Variants in NDRG1 observed in about 807,000 individuals in gnomAD.
The protein encoded by NDRG1 is N-myc downstream regulated 1.
NDRG1 carries 32 observed loss-of-function variants against 56.9 expected under a neutral mutation model. The observed-to-expected ratio is 0.56, with a 90% CI of 0.42 to 0.76. The LOEUF is 0.76. Among genes scored for constraint, NDRG1 ranks in the 30% least tolerant of loss-of-function variants. The pLI, the probability that NDRG1 is intolerant of heterozygous loss-of-function variation, is 0.00. For synonymous variants in NDRG1, 211 were observed against 204.1 expected (o/e 1.03, Z -0.29); for missense variants, 507 against 545.7 (o/e 0.93, Z 0.71).
chr8:133,296,825 G>A (rs998822730), intron 1 of NDRG1: 3 of 244,542 alleles, frequency 1.2e-5, no homozygotes, highest in African/African-American at 6.9e-5. Context: ...CGCTATCCTG[G>A]TATTTTTTCG....
At chr8:133,270,213 G>A (rs1052888387) in intron 3 of NDRG1, among the ~76,000 whole-genome samples, 2 of 152,164 alleles carry the variant, frequency 1.3e-5, no homozygotes, top group South Asian at 2.1e-4. Flanking sequence ...ACCATGGCAC[G>A]TACCACTATG....
At position 133,244,317 on chromosome 8, in the gene NDRG1, C is replaced by T. The variant is rs371308671; in HGVS notation, c.891+38G>A. 115 of 1,613,392 alleles carry T rather than the reference C, an allele frequency of 7.1e-5. No homozygotes were observed. The African/African-American group carries it at 8.4e-4, about 12-fold the overall frequency. Reference sequence around the variant, plus strand: ...CACATGCACTCCACCCAGGGGGAAGCGACAGCTGTATAATGCAAAAGCCAA... The same window carrying T: ...CACATGCACTCCACCCAGGGGGAAGTGACAGCTGTATAATGCAAAAGCCAA... On this transcript the variant is annotated intron_variant, in intron 14 of 15. Transcript: ENST00000323851.
At chr8:133,281,203 CA>C (rs1163691725) in intron 2 of NDRG1, 9 of 152,074 alleles carry the variant, frequency 5.9e-5, no homozygotes, top group African/African-American at 2.2e-4. Context: ...ACTAAAAATA[CA>C]AAATTAGCCA....
intron 3 of NDRG1, among the ~76,000 whole-genome samples, chr8:133,266,393 T>C (rs1263951536): frequency 6.6e-6 from 1 of 152,190 alleles, no homozygotes; most frequent in African/African-American, 2.4e-5. Context: ...ATCACTGCCG[T>C]GTGGCAGCAG....
intron 1 of NDRG1, among the ~76,000 whole-genome samples, chr8:133,286,508 A>G (rs1409990566): frequency 6.6e-6 from 1 of 152,060 alleles, no homozygotes; most frequent in African/African-American, 2.4e-5. Context: ...CACCTTTTTT[A>G]TTCCTACAGC....
chr8:133,267,646 G>C (rs1466150748), intron 3 of NDRG1, among the ~76,000 whole-genome samples: 1 of 152,170 alleles, frequency 6.6e-6, no homozygotes, highest in African/African-American at 2.4e-5. Flanking sequence ...ATTTGTTTGT[G>C]GGGGCACATT....
At chr8:133,271,340 A>AT (rs1184824470) in intron 3 of NDRG1, among the ~76,000 whole-genome samples, 4 of 152,174 alleles carry the variant, frequency 2.6e-5, no homozygotes, top group African/African-American at 4.8e-5. Flanking sequence ...GTCAAGGCCC[A>AT]TGGCAGCAAG....
rs997276805 is a variant in NDRG1, at chr8:133,280,129, GCC to G, written c.99+101_99+102del. On this transcript the variant is annotated intron_variant, in intron 3 of 15. Transcript: ENST00000323851. ...TGAGACCACTGCCTTCTCTCCCCTT[GCC>G]CGCAATGTTTGCACAATGATCTACT... 4.0e-5 allele frequency: 57 copies of G among 1,412,206 alleles called. No homozygotes were observed. In the African/African-American group the frequency reaches 7.1e-4, roughly 18 times the overall value. 87.5% of individuals were successfully genotyped at this position (1,412,206 alleles called of 1,614,324 possible). A position where few individuals can be genotyped will look rare whatever the true frequency, so the allele number is the denominator to read the frequency against.
At position 133,259,221 on chromosome 8, in the gene NDRG1, G is replaced by A. The variant is rs1242770603; in HGVS notation, c.336C>T (p.Tyr112=). The change falls in exon 6 of 16, where the codon TAC becomes TAT. Residue 112 remains tyrosine, a synonymous_variant. Transcript: ENST00000323851. ...TTTCAGCCAGCTGATCCATGGAGGG[G>A]TACATGTACCTGGGGATGACACAGA... ...GAASFPAGYM[Y]PSMDQLAEML... 6.2e-7 allele frequency: 1 copy of A among 1,614,146 alleles called. No individual in the cohort carries two copies. Among genetic ancestry groups the A allele is most frequent in the Non-Finnish European group, 8.5e-7 (1 of 1,180,010 alleles).
chr8:133,291,519 G>A (rs1183015599), intron 1 of NDRG1, among the ~76,000 whole-genome samples: 1 of 152,158 alleles, frequency 6.6e-6, no homozygotes, highest in Non-Finnish European at 1.5e-5. Context: ...AAGGCCCTGG[G>A]GAGGGTGAGG....
chr8:133,248,594 T>C, intron 11 of NDRG1, 121 bp downstream of exon 11: 3 of 1,183,784 alleles, frequency 2.5e-6, no homozygotes, highest in South Asian at 2.4e-5. Flanking sequence ...CTGGGTGGAA[T>C]ATATCCAGGT....
chr8:133,275,120 C>T (rs1857389245), intron 3 of NDRG1, among the ~76,000 whole-genome samples: 1 of 152,168 alleles, frequency 6.6e-6, no homozygotes, highest in Admixed American at 6.6e-5. Context: ...ACCCATCAGG[C>T]CCCAGAGAGC....
chr8:133,242,993 A>C (rs1855469157), intron 14 of NDRG1, among the ~76,000 whole-genome samples: 1 of 152,218 alleles, frequency 6.6e-6, no homozygotes, highest in Non-Finnish European at 1.5e-5. Flanking sequence ...CAGTTCATTT[A>C]ATGTAAACTT....
At chr8:133,251,423 TAGTC>T (rs1276144666) in intron 9 of NDRG1, among the ~76,000 whole-genome samples, 3 of 152,172 alleles carry the variant, frequency 2.0e-5, no homozygotes, top group Non-Finnish European at 2.9e-5. Context: ...CTGGAAAAAA[TAGTC>T]AGGAATCACG....
intron 13 of NDRG1, 23 bp from the exon 14 acceptor site, chr8:133,244,413 A>G: frequency 6.2e-7 from 1 of 1,614,190 alleles, no homozygotes; most frequent in East Asian, 2.2e-5. Context: ...GAAGCTCGTT[A>G]GTGCCAAACA....
At position 133,284,304 on chromosome 8, in the gene NDRG1, C is replaced by T. The variant is rs747266532; in HGVS notation, c.8G>A (p.Arg3Gln). Residue 3 changes from arginine to glutamine, a missense_variant, in exon 2 of 16, where the codon CGG becomes CAG. Coordinates refer to ENST00000323851, the MANE Select transcript of NDRG1 (RefSeq NM_006096.4). MSREMQDVDLAEV... is the reference protein window; with the variant it reads MSQEMQDVDLAEV... ...AGCGAGGTCTACATCCTGCATCTCC[C>T]GAGACATGTCCCTGCTGTCACCTGC... is the stretch of plus-strand genomic sequence containing the variant. 1.3e-5 allele frequency: 21 copies of T among 1,614,006 alleles called. No homozygotes were observed. The highest frequency in any genetic ancestry group is 1.8e-5 in the Non-Finnish European group (21 of 1,180,044).
At chr8:133,276,293 T>C (rs1857453849) in intron 3 of NDRG1, among the ~76,000 whole-genome samples, 2 of 152,210 alleles carry the variant, frequency 1.3e-5, no homozygotes, top group African/African-American at 4.8e-5. Flanking sequence ...AATGTAAAAG[T>C]GTTTTGCAGA....
chr8:133,242,452 G>A (rs926334415), intron 14 of NDRG1, among the ~76,000 whole-genome samples: 2 of 152,312 alleles, frequency 1.3e-5, no homozygotes, highest in Non-Finnish European at 2.9e-5. Context: ...GCTTTGCTGC[G>A]TTCATTCATT....
chr8:133,278,892 T>C (rs1474414758), intron 3 of NDRG1, among the ~76,000 whole-genome samples: 2 of 144,036 alleles, frequency 1.4e-5, no homozygotes, highest in Non-Finnish European at 3.0e-5. Context: ...TTCTTCTTTT[T>C]TTTTTTTTTT....
Sources: gnomAD v4.1 joint callset for allele counts (sites outside exome capture counted in the v4.1 genomes callset) on GRCh38, gnomAD v4.1.1 for gene constraint, MANE v1.5 for transcripts, NCBI Gene and HGNC (gene_info 2026-07-23, HGNC 2026-07-21) for gene names.